The following PLEKHA4 variants were observed in gnomAD, a reference collection of about 807,000 sequenced individuals.
PLEKHA4 encodes the protein pleckstrin homology domain containing A4.
In PLEKHA4, 73 loss-of-function variants were observed where a neutral mutation model predicts 94.7. The ratio of observed to expected loss-of-function variants is 0.77; its 90% CI spans 0.64 to 0.94. The LOEUF (loss-of-function observed/expected upper bound fraction) is 0.94, where lower values mean the gene tolerates loss of function less well. Ranked by LOEUF, PLEKHA4 falls within the 40% of genes least tolerant of loss-of-function variation. The pLI, the probability that PLEKHA4 is intolerant of heterozygous loss-of-function variation, is 0.00. For missense variants in PLEKHA4, 1,049 were observed against 1,054.1 expected (o/e 1.00, Z 0.07); for synonymous variants, 449 against 437.1 (o/e 1.03, Z -0.34).
chr19:48,864,993 A>C lies in PLEKHA4; in HGVS notation c.192+510T>G, dbSNP rs187055723. ...ATATAAATACTTTTGTGTTATTTGC[A>C]TGGTGTGTGCCCTGGGATTGGGAAC... On this transcript the variant is annotated intron_variant, in intron 3 of 19. Transcript: ENST00000263265. 8.2e-4 allele frequency among the ~76,000 whole-genome samples: 125 copies of C among 152,264 alleles called. 1 individual carries two copies. Among genetic ancestry groups the C allele is most frequent in the African/African-American group, 3.0e-3 (125 of 41,540 alleles).
intron 9 of PLEKHA4, among the ~76,000 whole-genome samples, chr19:48,856,477 T>C (rs945686461): frequency 3.3e-5 from 5 of 151,608 alleles, no homozygotes; most frequent in African/African-American, 9.7e-5. Context: ...CCCAGCACTT[T>C]GGGAGGCCGA....
intron 3 of PLEKHA4, among the ~76,000 whole-genome samples, chr19:48,862,677 TTTTG>T (rs1314135277): frequency 1.3e-5 from 2 of 151,772 alleles, no homozygotes; most frequent in African/African-American, 4.8e-5. Flanking sequence ...ACCCGGCTAA[TTTTG>T]TTTTTGTATT....
Position 48,837,180 on chromosome 19 carries a change from C to T in PLEKHA4, c.*109G>A, listed in dbSNP as rs2035556906. On this transcript the variant is annotated 3_prime_UTR_variant, in exon 20 of 20. Transcript: ENST00000263265. This position sits in a 1 kb window ranked among gnomAD's most constrained non-coding sequence, Gnocchi z 4.3. Reference sequence around the variant, plus strand: ...ATAGAAACCATTCCCCTCCCGGGCCCGCAATGGGGACCAGACCACGCCCCC... The same window carrying T: ...ATAGAAACCATTCCCCTCCCGGGCCTGCAATGGGGACCAGACCACGCCCCC... 5 of 1,513,460 alleles carry T rather than the reference C, an allele frequency of 3.3e-6. No individual in the cohort carries two copies. Among genetic ancestry groups the T allele is most frequent in the Non-Finnish European group, 4.5e-6 (5 of 1,098,946 alleles). 93.8% of individuals were successfully genotyped at this position (1,513,460 alleles called of 1,614,324 possible).
At chr19:48,838,844 C>A (rs147043748) in intron 18 of PLEKHA4, among the ~76,000 whole-genome samples, 1 of 151,854 alleles carries the variant, frequency 6.6e-6, no homozygotes, top group Non-Finnish European at 1.5e-5. Flanking sequence ...GGGTACCGCA[C>A]GTGCCTTTCT....
chr19:48,861,799 AGAG>A lies in PLEKHA4; in HGVS notation c.193-110_193-108del, dbSNP rs954463087. On this transcript the variant is annotated intron_variant, in intron 3 of 19. Coordinates refer to ENST00000263265, the MANE Select transcript of PLEKHA4 (RefSeq NM_020904.3). Reference sequence around the variant, plus strand: ...GCCAGAGAGAGAAAGAAACTTGGAGAGAGGAGAACAGAGACATAAAGTAGGGAT... The same window carrying A: ...GCCAGAGAGAGAAAGAAACTTGGAGAGAGAACAGAGACATAAAGTAGGGAT... The A allele has an allele frequency of 8.2e-6, 8 of 976,636 alleles. No individual in the cohort carries two copies. The African/African-American group carries it at 1.1e-4, about 14-fold the overall frequency. The allele number at this position is 976,636 out of a possible 1,614,324, so 60.5% of individuals were successfully genotyped here. A position where few individuals can be genotyped will look rare whatever the true frequency, so the allele number is the denominator to read the frequency against.
intron 3 of PLEKHA4, among the ~76,000 whole-genome samples, chr19:48,863,245 T>TTTTG (rs939388896): frequency 2.0e-5 from 3 of 152,080 alleles, no homozygotes; most frequent in Admixed American, 2.0e-4. Flanking sequence ...ACTTACTGTT[T>TTTTG]TTTGTTTGTT....
intron 16 of PLEKHA4, among the ~76,000 whole-genome samples, chr19:48,841,887 A>G (rs2035781967): frequency 6.6e-6 from 1 of 152,192 alleles, no homozygotes; most frequent in African/African-American, 2.4e-5. Flanking sequence ...TCAAGGCTTC[A>G]GGGAGCTATG....
chr19:48,853,621 C>T, intron 12 of PLEKHA4, 61 bp downstream of exon 12: 3 of 1,408,904 alleles, frequency 2.1e-6, no homozygotes, highest in East Asian at 2.6e-5. Context: ...AGGTCCCCTT[C>T]GTAACGACTT....
At chr19:48,849,472 C>A (rs1186153792) in intron 13 of PLEKHA4, among the ~76,000 whole-genome samples, 1 of 151,994 alleles carries the variant, frequency 6.6e-6, no homozygotes, top group Non-Finnish European at 1.5e-5. Flanking sequence ...GCACACCCAG[C>A]AAATTTTTCT....
intron 2 of PLEKHA4, among the ~76,000 whole-genome samples, chr19:48,866,928 C>T (rs1200665779): frequency 6.6e-6 from 1 of 152,204 alleles, no homozygotes; most frequent in Non-Finnish European, 1.5e-5. Flanking sequence ...TCTCCTGATG[C>T]CCACAGATAT....
chr19:48,856,913 A>AAAG (rs2036438507), intron 9 of PLEKHA4, among the ~76,000 whole-genome samples: 1 of 129,050 alleles, frequency 7.7e-6, no homozygotes, highest in South Asian at 2.5e-4. Context: ...AAAAAAAAAA[A>AAAG]AAAGAAAGAA....
intron 17 of PLEKHA4, among the ~76,000 whole-genome samples, chr19:48,839,501 G>A (rs553315989): frequency 1.3e-5 from 2 of 152,070 alleles, no homozygotes; most frequent in South Asian, 2.1e-4. Flanking sequence ...CTGTAGTCTC[G>A]ACTTCCCAGG....
At chr19:48,843,187 T>G (rs1044523456) in intron 16 of PLEKHA4, among the ~76,000 whole-genome samples, 6 of 152,034 alleles carry the variant, frequency 3.9e-5, no homozygotes, top group Admixed American at 3.9e-4. Flanking sequence ...TTTATTTTAT[T>G]TTATTTTTGA....
At position 48,844,907 on chromosome 19, in the gene PLEKHA4, C is replaced by T. The variant is rs1258344210; in HGVS notation, c.1743+463G>A. On this transcript the variant is annotated intron_variant, in intron 16 of 19. Coordinates refer to ENST00000263265, the MANE Select transcript of PLEKHA4 (RefSeq NM_020904.3). ...TCAGCTCACTGCAACCTCTGCCTCC[C>T]GAGTTCAAGCGATTCTCCTGCCTCA... 5.4e-5 allele frequency among the ~76,000 whole-genome samples: 8 copies of T among 149,280 alleles called. No homozygotes were observed. The East Asian group carries it at 1.6e-3, about 29-fold the overall frequency.
Position 48,868,448 on chromosome 19 carries a change from C to CTT in PLEKHA4, c.-373_-372insAA, listed in dbSNP as rs1213645011. 2 of 85,474 alleles carry CTT rather than the reference C, an allele frequency of 2.3e-5. No homozygotes were observed. Among genetic ancestry groups the CTT allele is most frequent in the Non-Finnish European group, 4.1e-5 (2 of 48,216 alleles). 5.3% of individuals were successfully genotyped at this position (85,474 alleles called of 1,614,324 possible). On this transcript the variant is annotated 5_prime_UTR_variant, in exon 1 of 20. An upstream open reading frame in the 5' UTR loses its in-frame stop. Coordinates refer to ENST00000263265, the MANE Select transcript of PLEKHA4 (RefSeq NM_020904.3). The stretch of plus-strand genomic sequence containing the variant: ...CTCTTCCTTAAGTCTCTGTCTCATT[C>CTT]TCTCTCTCTCTCTCTCTCTGTCTCT...
In PLEKHA4 at chr19:48,868,417, C is replaced by T. The variant is rs1004401908; in HGVS notation, c.-341G>A. On this transcript the variant is annotated 5_prime_UTR_variant, in exon 1 of 20. It adds an upstream start codon to the 5' untranslated region. Coordinates refer to ENST00000263265, the MANE Select transcript of PLEKHA4 (RefSeq NM_020904.3). ...TCCAAATCTTTTATTGTCAGACTCA[C>T]AGGGTCTCTTCCTTAAGTCTCTGTC... The T allele has an allele frequency of 6.6e-6, 1 of 150,542 alleles. No homozygotes were observed. Among genetic ancestry groups the T allele is most frequent in the Non-Finnish European group, 1.5e-5 (1 of 67,950 alleles). 9.3% of individuals were successfully genotyped at this position (150,542 alleles called of 1,614,324 possible). A position where few individuals can be genotyped will look rare whatever the true frequency, so the allele number is the denominator to read the frequency against.
intron 5 of PLEKHA4, among the ~76,000 whole-genome samples, chr19:48,860,699 G>A (rs546244): frequency 0.18 from 27,964 of 151,760 alleles, 3,432 homozygotes; most frequent in African/African-American, 0.35. Context: ...CCCAGCTACC[G>A]GGGAGACTGA....
chr19:48,848,208 T>C (rs1023742894), intron 13 of PLEKHA4, among the ~76,000 whole-genome samples, 168 bp from the exon 14 acceptor site: 4 of 152,112 alleles, frequency 2.6e-5, no homozygotes, highest in East Asian at 1.9e-4. Context: ...CTGTCTTGGC[T>C]GGGCGCGGTG....
At position 48,852,762 on chromosome 19, in the gene PLEKHA4, G is replaced by A. The variant is rs577321213; in HGVS notation, c.1327-436C>T. Among the ~76,000 whole-genome samples the A allele has an allele frequency of 2.2e-4, 34 of 151,840 alleles. No individual in the cohort carries two copies. The South Asian group carries it at 5.8e-3, about 26-fold the overall frequency. ...ACCCTGGCCAACATGGTGAAACCCC[G>A]TCCCTACTAAAAATACAAAAATTAG... On this transcript the variant is annotated intron_variant, in intron 12 of 19. Transcript: ENST00000263265.
Sources: gnomAD v4.1 joint callset for allele counts (sites outside exome capture counted in the v4.1 genomes callset) on GRCh38, gnomAD v4.1.1 for gene constraint, Gnocchi (gnomAD v3.1) non-coding constraint, MANE v1.5 for transcripts, NCBI Gene and HGNC (gene_info 2026-07-23, HGNC 2026-07-21) for gene names.